The following ASH1L variants were observed in gnomAD, a reference collection of about 807,000 sequenced individuals.
ASH1L encodes histone-lysine N-methyltransferase ASH1L.
A neutral mutation model predicts 269.0 loss-of-function variants in ASH1L; 23 were observed. The observed-to-expected ratio is 0.09, with a 90% CI of 0.06 to 0.12. The LOEUF (loss-of-function observed/expected upper bound fraction) is 0.12. Ranked by LOEUF, ASH1L falls within the 10% of genes least tolerant of loss-of-function variation. The pLI, the probability that ASH1L is intolerant of heterozygous loss-of-function variation, is 1.00. For missense variants in ASH1L, 2,912 were observed against 3,567.8 expected, an observed-to-expected ratio of 0.82 and a Z score of 4.68; for synonymous variants, 1,187 against 1,253.5, an observed-to-expected ratio of 0.95 and a Z score of 1.12.
In ASH1L at chr1:155,531,356, C is replaced by T. The variant is rs1328815630; in HGVS notation, c.-99-9738G>A. Among the ~76,000 whole-genome samples the T allele has an allele frequency of 2.0e-5, 3 of 151,656 alleles. No homozygotes were observed. The East Asian group carries it at 5.8e-4, about 29-fold the overall frequency. On this transcript the variant is annotated intron_variant, in intron 1 of 27. Coordinates refer to ENST00000392403, the MANE Select transcript of ASH1L (RefSeq NM_018489.3). ...TAAATGAAGAATTTCAGCATTTTTCCAAAGAATTCTTTTTTTTTTTGAAAC... is the reference window on the plus strand; with the variant it reads ...TAAATGAAGAATTTCAGCATTTTTCTAAAGAATTCTTTTTTTTTTTGAAAC...
At position 155,525,550 on chromosome 1, in the gene ASH1L, AAAG is replaced by A. The variant is rs557436361; in HGVS notation, c.-99-3935_-99-3933del. Among the ~76,000 whole-genome samples, 116 of 151,884 alleles carry A rather than the reference AAAG, an allele frequency of 7.6e-4. 1 individual carries two copies. Among genetic ancestry groups the A allele is most frequent in the African/African-American group, 2.4e-3 (99 of 41,510 alleles). On this transcript the variant is annotated intron_variant, in intron 1 of 27. Transcript: ENST00000392403. The stretch of plus-strand genomic sequence containing the variant: ...ACATTTCTAAAAGCCAAAAAAAAAA[AAAG>A]AAGAAGAAGAAAAATAAGAAAAAAG...
chr1:155,474,511 C>A (rs1244035125), intron 3 of ASH1L, among the ~76,000 whole-genome samples: 1 of 152,020 alleles, frequency 6.6e-6, no homozygotes, highest in Non-Finnish European at 1.5e-5. Context: ...TCAGCCTGGG[C>A]GGCATGGCGA....
rs1661528668 is a variant in ASH1L, at chr1:155,430,702, T to C, written c.5828+7625A>G. ...AAAAGTGACTCTTACTGTTATACAT[T>C]TGCCTTATTTTATTAACTTAAGGTG... On this transcript the variant is annotated intron_variant, in intron 5 of 27. Transcript: ENST00000392403. Among the ~76,000 whole-genome samples, 4 of 152,208 alleles carry C rather than the reference T, an allele frequency of 2.6e-5. No individual in the cohort carries two copies. In the South Asian group the frequency reaches 8.3e-4, roughly 31 times the overall value.
chr1:155,498,862 C>T (rs1034917802), intron 2 of ASH1L, among the ~76,000 whole-genome samples: 24 of 148,608 alleles, frequency 1.6e-4, no homozygotes, highest in Admixed American at 2.0e-4. Context: ...AAGAAAAGTA[C>T]GCTTCAGTTT....
At position 155,342,242 on chromosome 1, in the gene ASH1L, T is replaced by C. The variant is rs540853392; in HGVS notation, c.8294-140A>G. ...TAGCTATGTAGAGAGGCAGGACAAC[T>C]AAGCATTTGGTAGTTGCTGGACAAA... On this transcript the variant is annotated intron_variant, in intron 24 of 27. Transcript: ENST00000392403. 7 of 724,406 alleles carry C rather than the reference T, an allele frequency of 9.7e-6. No individual in the cohort carries two copies. The African/African-American group carries it at 1.0e-4, about 11-fold the overall frequency. 44.9% of individuals were successfully genotyped at this position (724,406 alleles called of 1,614,324 possible).
At chr1:155,452,913 A>C (rs760554556) in intron 4 of ASH1L, among the ~76,000 whole-genome samples, 4 of 152,196 alleles carry the variant, frequency 2.6e-5, no homozygotes, top group African/African-American at 9.7e-5. Context: ...TACAGTTGGT[A>C]GTCAGAGTTC....
chr1:155,533,306 G>A (rs1430896108), intron 1 of ASH1L, among the ~76,000 whole-genome samples: 1 of 152,032 alleles, frequency 6.6e-6, no homozygotes, highest in Non-Finnish European at 1.5e-5. Context: ...TCAGCATGCG[G>A]TAGTTACTAT....
intron 1 of ASH1L, among the ~76,000 whole-genome samples, chr1:155,555,324 C>T (rs1238064662): frequency 6.6e-6 from 1 of 151,314 alleles, no homozygotes; most frequent in South Asian, 2.1e-4. Context: ...TGGTGAAACC[C>T]GGTCTCTACT....
At chr1:155,489,473 CAA>C (rs748010625) in intron 2 of ASH1L, among the ~76,000 whole-genome samples, 19 of 91,012 alleles carry the variant, frequency 2.1e-4, no homozygotes, top group Admixed American at 5.2e-4. Flanking sequence ...GGCTCTGTCT[CAA>C]AAAAAAAAAA....
chr1:155,454,513 A>T (rs1663736612), intron 4 of ASH1L, among the ~76,000 whole-genome samples: 1 of 152,188 alleles, frequency 6.6e-6, no homozygotes, highest in South Asian at 2.1e-4. Flanking sequence ...CAGGCCTGTA[A>T]TCCCAGCACT....
intron 5 of ASH1L, among the ~76,000 whole-genome samples, chr1:155,435,915 G>A (rs1662047295): frequency 6.6e-6 from 1 of 152,108 alleles, no homozygotes; most frequent in Non-Finnish European, 1.5e-5. Flanking sequence ...GCCAGGCATG[G>A]TGGTGCGCAC....
chr1:155,416,471 G>A (rs1660219115), intron 5 of ASH1L, among the ~76,000 whole-genome samples: 1 of 152,056 alleles, frequency 6.6e-6, no homozygotes, highest in Admixed American at 6.6e-5. Context: ...AGTTAATGCA[G>A]CACTGTTATC....
rs1271326962 is a variant in ASH1L, at chr1:155,521,334, T to C, written c.186A>G (p.Lys62=). 6.2e-7 allele frequency: 1 copy of C among 1,614,200 alleles called. No homozygotes were observed. The highest frequency in any genetic ancestry group is 1.1e-5 in the South Asian group (1 of 91,086). The stretch of plus-strand genomic sequence containing the variant: ...GCTGTGCATCAGTCAAACCATCATC[T>C]TTCCCAGCTTCGATGTTTCTTTCTC... ...RNRERNIEAG[K]DDGLTDAQQQ... The change falls in exon 2 of 28, where the codon AAA becomes AAG. Residue 62 remains lysine (K), a synonymous_variant. Transcript: ENST00000392403.
chr1:155,411,584 T>C (rs1221580689), intron 6 of ASH1L, among the ~76,000 whole-genome samples: 2 of 30,772 alleles, frequency 6.5e-5, no homozygotes, highest in African/African-American at 1.9e-4. Context: ...AATAAATAAA[T>C]AAATATATAT....
chr1:155,404,071 A>G (rs961299309), intron 6 of ASH1L, among the ~76,000 whole-genome samples: 11 of 151,676 alleles, frequency 7.3e-5, no homozygotes, highest in Admixed American at 3.3e-4. Flanking sequence ...AAAAAAAAAA[A>G]AAGGAAGCAA....
At chr1:155,385,258 C>A (rs531748135) in intron 7 of ASH1L, among the ~76,000 whole-genome samples, 24 of 152,090 alleles carry the variant, frequency 1.6e-4, no homozygotes, top group African/African-American at 5.6e-4. Flanking sequence ...GTCTGGCCAA[C>A]GTGGTAAAAC....
chr1:155,462,416 G>A (rs1664375745), intron 3 of ASH1L, among the ~76,000 whole-genome samples: 2 of 152,186 alleles, frequency 1.3e-5, no homozygotes, highest in African/African-American at 4.8e-5. Flanking sequence ...TTGATAATCA[G>A]GATATCCTGA....
chr1:155,498,311 T>C lies in ASH1L; in HGVS notation c.421-15862A>G, dbSNP rs540549777. 6.6e-5 allele frequency among the ~76,000 whole-genome samples: 10 copies of C among 151,898 alleles called. No individual in the cohort carries two copies. In the South Asian group the frequency reaches 1.7e-3, roughly 25 times the overall value. The stretch of plus-strand genomic sequence containing the variant: ...AAAAAAAACTGTAGAGAAGAACGGA[T>C]GGTGAGGGCTGCAAAACAATGTAAA... On this transcript the variant is annotated intron_variant, in intron 2 of 27. Transcript: ENST00000392403.
chr1:155,487,387 A>G (rs1666400037), intron 2 of ASH1L, among the ~76,000 whole-genome samples: 1 of 151,662 alleles, frequency 6.6e-6, no homozygotes, highest in Non-Finnish European at 1.5e-5. Flanking sequence ...CTACTTTTTT[A>G]TTTTTTTTAA....
Sources: gnomAD v4.1 joint callset for allele counts (sites outside exome capture counted in the v4.1 genomes callset) on GRCh38, gnomAD v4.1.1 for gene constraint, MANE v1.5 for transcripts, NCBI Gene and HGNC (gene_info 2026-07-23, HGNC 2026-07-21) for gene names.